The following ATP6V1B2 variants were observed in gnomAD, a reference collection of about 807,000 sequenced individuals.
The protein encoded by ATP6V1B2 is V-type proton ATPase subunit B, brain isoform.
In ATP6V1B2, 23 loss-of-function variants were observed where a neutral mutation model predicts 66.7. That is an observed-to-expected ratio of 0.34 (90% CI 0.25 to 0.49). The LOEUF (loss-of-function observed/expected upper bound fraction) is 0.49. ATP6V1B2 is among the 20% of genes least tolerant of loss of function. The probability of loss-of-function intolerance (pLI) is 0.99; values close to 1 mark genes in which losing one functional copy is unlikely to be tolerated. For synonymous variants in ATP6V1B2, 278 were observed against 236.7 expected, an observed-to-expected ratio of 1.17 and a Z score of -1.60; for missense variants, 478 against 650.8, an observed-to-expected ratio of 0.73 and a Z score of 2.89.
At chr8:20,207,416 T>G (rs917751404) in intron 2 of ATP6V1B2, among the ~76,000 whole-genome samples, 1 of 152,086 alleles carries the variant, frequency 6.6e-6, no homozygotes, top group African/African-American at 2.4e-5. Context: ...AAATTCCAGA[T>G]GAATTAAAGA....
chr8:20,204,088 G>C (rs1168089315), intron 1 of ATP6V1B2: 1 of 445,244 alleles, frequency 2.2e-6, no homozygotes, highest in African/African-American at 2.0e-5. Context: ...CCTGAGGTGA[G>C]AACTATTCCC....
intron 12 of ATP6V1B2, among the ~76,000 whole-genome samples, chr8:20,217,643 C>G (rs1228848539): frequency 6.6e-6 from 1 of 152,148 alleles, no homozygotes; most frequent in East Asian, 1.9e-4. Flanking sequence ...AAAGGCTACT[C>G]TGACCTATTT....
At chr8:20,218,395 G>A in intron 13 of ATP6V1B2, 113 bp downstream of exon 13, 11 of 1,378,610 alleles carry the variant, frequency 8.0e-6, no homozygotes, top group Non-Finnish European at 9.7e-6. Flanking sequence ...TCTCTGGTTA[G>A]AGAAGAGGCT....
chr8:20,208,378 G>C (rs1456370742), intron 2 of ATP6V1B2, among the ~76,000 whole-genome samples: 1 of 152,184 alleles, frequency 6.6e-6, no homozygotes, highest in African/African-American at 2.4e-5. Flanking sequence ...TATCTCCAAA[G>C]GGTCTTAAAG....
At chr8:20,217,164 T>G in intron 11 of ATP6V1B2, 56 bp from the exon 12 acceptor site, 1 of 1,426,832 alleles carries the variant, frequency 7.0e-7, no homozygotes. Flanking sequence ...TTATTACCAG[T>G]AAAACTTGAG....
At chr8:20,203,864 C>T in intron 1 of ATP6V1B2, 4 of 392,194 alleles carry the variant, frequency 1.0e-5, no homozygotes, top group East Asian at 7.9e-5. Flanking sequence ...CTTGTTTGAC[C>T]CCCTGGCCTT....
At chr8:20,210,875 T>A (rs935938369) in intron 5 of ATP6V1B2, among the ~76,000 whole-genome samples, 1 of 152,156 alleles carries the variant, frequency 6.6e-6, no homozygotes, top group African/African-American at 2.4e-5. Context: ...ATATCTGAAA[T>A]GTATATGGTA....
chr8:20,208,730 CAG>C lies in ATP6V1B2; in HGVS notation c.193-700_193-699del, dbSNP rs1239937294. Among the ~76,000 whole-genome samples, 6 of 126,746 alleles carry C rather than the reference CAG, an allele frequency of 4.7e-5. No homozygotes were observed. The South Asian group carries it at 1.2e-3, about 26-fold the overall frequency. The allele number at this position is 126,746 out of a possible 152,430, so 83.2% of individuals were successfully genotyped here. A position where few individuals can be genotyped will look rare whatever the true frequency, so the allele number is the denominator to read the frequency against. On this transcript the variant is annotated intron_variant, in intron 2 of 13. Transcript: ENST00000276390. ...CTTTCTTTTTTTTTTTTTTTTGAGA[CAG>C]AGTCTTTTTCTATCAGCCAGGCTGG...
intron 10 of ATP6V1B2, 35 bp from the exon 11 acceptor site, chr8:20,216,378 T>C: frequency 6.4e-7 from 1 of 1,572,680 alleles, no homozygotes; most frequent in East Asian, 2.2e-5. Context: ...AACCTAAAGA[T>C]GCCATGCTTA....
In ATP6V1B2 at chr8:20,205,034, C is replaced by T. The variant is rs756008225; in HGVS notation, c.192+495C>T. ...AGATGAAACCTAGTGAGTTTACCTC[C>T]TGACTGCAGTTTGATATGTGCTGCA... On this transcript the variant is annotated intron_variant, in intron 2 of 13. Transcript: ENST00000276390. 7.2e-5 allele frequency among the ~76,000 whole-genome samples: 11 copies of T among 152,260 alleles called. 1 individual carries two copies. Among genetic ancestry groups the T allele is most frequent in the Admixed American group, 5.2e-4 (8 of 15,302 alleles).
Position 20,220,405 on chromosome 8 carries a change from G to C in ATP6V1B2, c.*3G>C. On this transcript the variant is annotated 3_prime_UTR_variant, in exon 14 of 14. Transcript: ENST00000276390. ...CTCGAGACTCTGCAAAGCATTAGCT[G>C]CTGCTTCTGCATTGCTCCGCGCTCT... is the stretch of plus-strand genomic sequence containing the variant. 6.5e-7 allele frequency: 1 copy of C among 1,546,270 alleles called. No homozygotes were observed. The highest frequency in any genetic ancestry group is 1.4e-5 in the African/African-American group (1 of 71,342).
chr8:20,210,912 C>T (rs1312889617), intron 5 of ATP6V1B2, among the ~76,000 whole-genome samples: 1 of 152,010 alleles, frequency 6.6e-6, no homozygotes, highest in Non-Finnish European at 1.5e-5. Context: ...ATTAGGACTT[C>T]TCTCTTATTT....
At chr8:20,199,308 G>A (rs556611379) in intron 1 of ATP6V1B2, among the ~76,000 whole-genome samples, 28 of 152,172 alleles carry the variant, frequency 1.8e-4, no homozygotes, top group Non-Finnish European at 3.1e-4. Flanking sequence ...GCCTAGCACA[G>A]TGCCTGACAC....
intron 3 of ATP6V1B2, among the ~76,000 whole-genome samples, 171 bp from the exon 4 acceptor site, chr8:20,210,175 G>C (rs1200926991): frequency 6.6e-6 from 1 of 151,036 alleles, no homozygotes; most frequent in African/African-American, 2.4e-5. Context: ...ATGAACCCTT[G>C]ATCTAAAGGT....
intron 1 of ATP6V1B2, among the ~76,000 whole-genome samples, chr8:20,199,699 C>T (rs527300251): frequency 2.0e-5 from 3 of 148,434 alleles, no homozygotes; most frequent in East Asian, 2.0e-4. Flanking sequence ...CAACCTCCGC[C>T]TTCCAGATTC....
intron 1 of ATP6V1B2, among the ~76,000 whole-genome samples, chr8:20,199,799 C>G (rs1433989441): frequency 6.6e-6 from 1 of 152,002 alleles, no homozygotes; most frequent in Non-Finnish European, 1.5e-5. Context: ...TTAGTAGAGA[C>G]GGGATTTCAC....
intron 1 of ATP6V1B2, among the ~76,000 whole-genome samples, chr8:20,201,159 G>A (rs1158503002): frequency 6.6e-6 from 1 of 152,198 alleles, no homozygotes; most frequent in African/African-American, 2.4e-5. Flanking sequence ...TGTAAAATAT[G>A]TTAAGAAGGT....
intron 9 of ATP6V1B2, 128 bp downstream of exon 9, chr8:20,213,033 TAATA>T (rs1340172349): frequency 2.3e-6 from 3 of 1,289,266 alleles, no homozygotes; most frequent in East Asian, 2.4e-5. Context: ...TAGAATGCCT[TAATA>T]AATCAGAAAG....
chr8:20,211,232 C>T lies in ATP6V1B2; in HGVS notation c.519C>T (p.Gly173=). 1 of 1,613,308 alleles carries T rather than the reference C, an allele frequency of 6.2e-7. No homozygotes were observed. Among genetic ancestry groups the T allele is most frequent in the Non-Finnish European group, 8.5e-7 (1 of 1,179,738 alleles). ...RIYPEEMIQT[G]ISAIDGMNSI... ...ACCCAGAGGAAATGATTCAGACTGG[C>T]ATTTCGGCCATCGATGGGATGAACA... Residue 173 remains glycine, a synonymous_variant, in exon 6 of 14, where the codon GGC becomes GGT. Coordinates refer to ENST00000276390, the MANE Select transcript of ATP6V1B2 (RefSeq NM_001693.4).
Sources: gnomAD v4.1 joint callset for allele counts (sites outside exome capture counted in the v4.1 genomes callset) on GRCh38, gnomAD v4.1.1 for gene constraint, MANE v1.5 for transcripts, NCBI Gene and HGNC (gene_info 2026-07-23, HGNC 2026-07-21) for gene names.